EGFLAM: variants seen among roughly 807,000 people sequenced by gnomAD.
The protein encoded by EGFLAM is pikachurin.
Under a neutral mutation model 113.1 loss-of-function variants are expected in EGFLAM, and 79 were observed. The ratio of observed to expected loss-of-function variants is 0.70; its 90% CI spans 0.58 to 0.84. EGFLAM has a LOEUF of 0.84. EGFLAM is among the 40% of genes least tolerant of loss of function. The pLI, the probability that EGFLAM is intolerant of heterozygous loss-of-function variation, is 0.00. For missense variants in EGFLAM, 1,265 were observed against 1,291.6 expected, an observed-to-expected ratio of 0.98 and a Z score of 0.32; for synonymous variants, 504 against 487.6, an observed-to-expected ratio of 1.03 and a Z score of -0.44.
Position 38,406,927 on chromosome 5 carries a change from C to G in EGFLAM, c.928C>G (p.Pro310Ala). ...SNPKTISRLI[P>A]PTSASLPVTT... ...CCCAAAGACCATTTCTAGGCTCATC[C>G]CCCCTACCTCAGCATCTCTCCCTGT... The change falls in exon 8 of 22, where the codon CCC becomes GCC. Residue 310 changes from proline to alanine, a missense_variant. Physicochemically the swap from Pro to Ala is conservative, Grantham distance 27. Transcript: ENST00000322350. 1 of 1,614,170 alleles carries G rather than the reference C, an allele frequency of 6.2e-7. No individual in the cohort carries two copies. Among genetic ancestry groups the G allele is most frequent in the South Asian group, 1.1e-5 (1 of 91,084 alleles).
At chr5:38,422,227 C>A in intron 12 of EGFLAM, among the ~76,000 whole-genome samples, 1 of 152,156 alleles carries the variant, frequency 6.6e-6, no homozygotes, top group East Asian at 1.9e-4. Flanking sequence ...TACACAACAA[C>A]TGGCCTATGG....
Position 38,336,570 on chromosome 5 carries a change from TAC to T in EGFLAM, c.98-922_98-921del, listed in dbSNP as rs148241267. Reference sequence around the variant, plus strand: ...GCCTGGGCGACAGAGTGAGACTCCGTACACACACACACACACACACACACACA... The same window carrying T: ...GCCTGGGCGACAGAGTGAGACTCCGTACACACACACACACACACACACACA... On this transcript the variant is annotated intron_variant, in intron 1 of 21. Coordinates refer to ENST00000322350, the MANE Select transcript of EGFLAM (RefSeq NM_152403.4). Among the ~76,000 whole-genome samples, 735 of 141,542 alleles carry T rather than the reference TAC, an allele frequency of 5.2e-3. 6 individuals carry two copies. The highest frequency in any genetic ancestry group is 0.016 in the South Asian group (72 of 4,474). The allele number at this position is 141,542 out of a possible 152,430, so 92.9% of individuals were successfully genotyped here.
Position 38,438,475 on chromosome 5 carries a change from G to A in EGFLAM, c.2464+20G>A, listed in dbSNP as rs1339590735. ...AGAAAGGTACGCTCAGGGGTCTGAG[G>A]CACAGCTCCCTGGAGGGAGTGGAAG... On this transcript the variant is annotated intron_variant, in intron 17 of 21. Transcript: ENST00000322350. 5 of 1,574,440 alleles carry A rather than the reference G, an allele frequency of 3.2e-6. No individual in the cohort carries two copies. The South Asian group carries it at 3.6e-5, about 11-fold the overall frequency.
chr5:38,418,386 T>A, intron 12 of EGFLAM, 131 bp downstream of exon 12: 1 of 1,195,292 alleles, frequency 8.4e-7, no homozygotes, highest in Non-Finnish European at 1.2e-6. Context: ...CTTCAGAACA[T>A]CAGGAGGGAG....
At chr5:38,373,901 C>T (rs1740295629) in intron 6 of EGFLAM, among the ~76,000 whole-genome samples, 1 of 152,194 alleles carries the variant, frequency 6.6e-6, no homozygotes, top group African/African-American at 2.4e-5. Context: ...CTACCCTTTT[C>T]TCCACAGTCA....
At chr5:38,425,270 C>A (rs576606998) in intron 13 of EGFLAM, among the ~76,000 whole-genome samples, 178 bp downstream of exon 13, 1 of 152,134 alleles carries the variant, frequency 6.6e-6, no homozygotes, top group Non-Finnish European at 1.5e-5. Flanking sequence ...CTCTGCCTCC[C>A]GGGTTCAAGT....
chr5:38,447,042 A>G (rs1742736498), intron 17 of EGFLAM, among the ~76,000 whole-genome samples: 1 of 152,110 alleles, frequency 6.6e-6, no homozygotes, highest in Non-Finnish European at 1.5e-5. Context: ...TTTGAGATTT[A>G]TTCTACCTTA....
At chr5:38,340,623 C>T (rs938891436) in intron 3 of EGFLAM, among the ~76,000 whole-genome samples, 3 of 152,114 alleles carry the variant, frequency 2.0e-5, no homozygotes, top group Admixed American at 6.5e-5. Flanking sequence ...GCTTAGTAGA[C>T]AGGGTTTGAA....
intron 1 of EGFLAM, among the ~76,000 whole-genome samples, chr5:38,300,168 C>A (rs1758541462): frequency 6.6e-6 from 1 of 152,134 alleles, no homozygotes; most frequent in African/African-American, 2.4e-5. Context: ...ATATGAAGAA[C>A]AACCAGTGAA....
chr5:38,435,072 A>C (rs1639136279), intron 15 of EGFLAM, 65 bp from the exon 16 acceptor site: 16 of 1,388,868 alleles, frequency 1.2e-5, no homozygotes, highest in Non-Finnish European at 1.6e-5. Context: ...AACTGAAGAC[A>C]CATTTGATCA....
intron 1 of EGFLAM, among the ~76,000 whole-genome samples, chr5:38,302,276 G>C (rs1758599954): frequency 6.6e-6 from 1 of 150,890 alleles, no homozygotes; most frequent in South Asian, 2.1e-4. Context: ...CACATGTATA[G>C]ATTTTGTAAC....
At chr5:38,384,580 A>T (rs1429254232) in intron 6 of EGFLAM, among the ~76,000 whole-genome samples, 1 of 152,144 alleles carries the variant, frequency 6.6e-6, no homozygotes, top group Non-Finnish European at 1.5e-5. Context: ...CTGACCGGGA[A>T]CACCTGCTGT....
chr5:38,343,315 A>G (rs1739389575), intron 3 of EGFLAM, among the ~76,000 whole-genome samples: 1 of 151,570 alleles, frequency 6.6e-6, no homozygotes, highest in Non-Finnish European at 1.5e-5. Flanking sequence ...CTGAGGCAGG[A>G]GAATTGCTTG....
At chr5:38,331,436 G>T (rs1030140074) in intron 1 of EGFLAM, among the ~76,000 whole-genome samples, 1 of 152,082 alleles carries the variant, frequency 6.6e-6, no homozygotes, top group Non-Finnish European at 1.5e-5. Context: ...GCAACCACTG[G>T]TCTTTTTTAC....
intron 20 of EGFLAM, 77 bp from the exon 21 acceptor site, chr5:38,462,831 T>TATTGAAATGAATGAATG: frequency 4.7e-6 from 7 of 1,483,630 alleles, no homozygotes; most frequent in Non-Finnish European, 6.5e-6. Flanking sequence ...AATACATTTG[T>TATTGAAATGAATGAATG]ATTGAAATGA....
At chr5:38,383,146 T>C (rs1740559724) in intron 6 of EGFLAM, among the ~76,000 whole-genome samples, 1 of 152,140 alleles carries the variant, frequency 6.6e-6, no homozygotes, top group Non-Finnish European at 1.5e-5. Context: ...TGGTTCAAAG[T>C]CCCAACCAAC....
At position 38,370,278 on chromosome 5, in the gene EGFLAM, T is replaced by C; in HGVS notation, c.546-18T>C. The C allele has an allele frequency of 6.2e-7, 1 of 1,607,328 alleles. No homozygotes were observed. The highest frequency in any genetic ancestry group is 8.5e-7 in the Non-Finnish European group (1 of 1,174,732). ...TATTTCTGAACTACTGCTTCTTCTG[T>C]TTTTCTAATCAATAAAGGCCAGATT... On this transcript the variant is annotated intron_variant, in intron 5 of 21. Coordinates refer to ENST00000322350, the MANE Select transcript of EGFLAM (RefSeq NM_152403.4).
At chr5:38,293,069 C>G (rs1022642176) in intron 1 of EGFLAM, among the ~76,000 whole-genome samples, 12 of 152,200 alleles carry the variant, frequency 7.9e-5, no homozygotes, top group African/African-American at 2.9e-4. Context: ...TTCATTTCCA[C>G]TTGGAGGAGT....
At chr5:38,425,222 A>T (rs1408051781) in intron 13 of EGFLAM, 130 bp downstream of exon 13, 1 of 1,381,084 alleles carries the variant, frequency 7.2e-7, no homozygotes. Flanking sequence ...TCTCTTACCC[A>T]GGCCGGAGTG....
Sources: gnomAD v4.1 joint callset for allele counts (sites outside exome capture counted in the v4.1 genomes callset) on GRCh38, gnomAD v4.1.1 for gene constraint, MANE v1.5 for transcripts, NCBI Gene and HGNC (gene_info 2026-07-23, HGNC 2026-07-21) for gene names.